NTPCR: variants seen among roughly 807,000 people sequenced by gnomAD.
NTPCR encodes the protein cancer-related nucleoside-triphosphatase.
NTPCR carries 15 observed loss-of-function variants against 19.5 expected under a neutral mutation model. The observed-to-expected ratio is 0.77, with a 90% CI of 0.51 to 1.18. The LOEUF (loss-of-function observed/expected upper bound fraction) is 1.18, where lower values mean the gene tolerates loss of function less well. Among genes scored for constraint, NTPCR ranks in the 50% most tolerant of loss-of-function variants. The probability of loss-of-function intolerance (pLI) is 0.00; values close to 1 mark genes in which losing one functional copy is unlikely to be tolerated. For synonymous variants in NTPCR, 90 were observed against 95.8 expected, an observed-to-expected ratio of 0.94 and a Z score of 0.36; for missense variants, 206 against 240.4, an observed-to-expected ratio of 0.86 and a Z score of 0.95.
chr1:232,970,330 G>A (rs78373751), intron 4 of NTPCR, among the ~76,000 whole-genome samples: 7,302 of 152,198 alleles, frequency 0.048, 212 homozygotes, highest in Middle Eastern at 0.13. Flanking sequence ...GCCTCCTGAC[G>A]GTCCCAGTTG....
chr1:232,970,633 T>C (rs1225492425), intron 4 of NTPCR, among the ~76,000 whole-genome samples: 1 of 152,248 alleles, frequency 6.6e-6, no homozygotes, highest in Non-Finnish European at 1.5e-5. Flanking sequence ...AAATGTGCTC[T>C]CTGCATTGCT....
At chr1:232,956,305 A>G (rs376859949) in intron 2 of NTPCR, 42 bp from the exon 3 acceptor site, 13 of 1,408,452 alleles carry the variant, frequency 9.2e-6, no homozygotes, top group African/African-American at 4.2e-5. Context: ...AGAAATCAAT[A>G]CAGGAGTTTT....
In NTPCR at chr1:232,979,300, T is replaced by C. The variant is rs1389741270; in HGVS notation, c.*1069T>C. On this transcript the variant is annotated 3_prime_UTR_variant, in exon 5 of 5. Transcript: ENST00000366628. This position sits in a 1 kb window ranked among gnomAD's most constrained non-coding sequence, Gnocchi z 5.3. ...AGGATTTTTTTTTAACAAATTAGCA[T>C]TGGCTACAAACCCACTGGTATAAGC... is the stretch of plus-strand genomic sequence containing the variant. The C allele has an allele frequency of 2.0e-5, 3 of 152,200 alleles. No individual in the cohort carries two copies. Among genetic ancestry groups the C allele is most frequent in the Non-Finnish European group, 4.4e-5 (3 of 68,064 alleles). 9.4% of individuals were successfully genotyped at this position (152,200 alleles called of 1,614,324 possible).
At chr1:232,974,402 A>G (rs1358073310) in intron 4 of NTPCR, among the ~76,000 whole-genome samples, 1 of 152,252 alleles carries the variant, frequency 6.6e-6, no homozygotes, top group African/African-American at 2.4e-5. Flanking sequence ...AACATCAGGA[A>G]GGAAGAAAGA....
intron 1 of NTPCR, among the ~76,000 whole-genome samples, chr1:232,953,354 C>T (rs1668425747): frequency 6.6e-6 from 1 of 152,138 alleles, no homozygotes; most frequent in Non-Finnish European, 1.5e-5. Flanking sequence ...ATTTCTTATC[C>T]AGACAGCATT....
chr1:232,971,742 G>T (rs767707267), intron 4 of NTPCR, among the ~76,000 whole-genome samples: 1 of 152,160 alleles, frequency 6.6e-6, no homozygotes, highest in Non-Finnish European at 1.5e-5. Context: ...AAAGAAACCA[G>T]GCAATGTGGT....
intron 1 of NTPCR, chr1:232,951,061 A>C (rs1255324435): frequency 8.9e-6 from 3 of 335,332 alleles, no homozygotes; most frequent in South Asian, 1.6e-4. Context: ...GGTCTGCACA[A>C]ATGGTATTTC....
intron 3 of NTPCR, 97 bp downstream of exon 3, chr1:232,956,540 C>A: frequency 1.3e-6 from 1 of 774,916 alleles, no homozygotes; most frequent in Non-Finnish European, 2.2e-6. Flanking sequence ...TCTTAAAGGC[C>A]CCAGTTTTGC....
chr1:232,976,498 C>T, intron 4 of NTPCR: 1 of 1,541,060 alleles, frequency 6.5e-7, no homozygotes, highest in Non-Finnish European at 8.7e-7. Context: ...TGTGTCGCCT[C>T]CTTTCTACCT....
At chr1:232,953,977 T>G (rs2102736508) in intron 1 of NTPCR, among the ~76,000 whole-genome samples, 1 of 152,364 alleles carries the variant, frequency 6.6e-6, no homozygotes, top group South Asian at 2.1e-4. Flanking sequence ...TTATAAAGAA[T>G]GTTGCAGTGA....
At chr1:232,962,922 C>T (rs1462033953) in intron 3 of NTPCR, 2 of 152,124 alleles carry the variant, frequency 1.3e-5, no homozygotes, top group East Asian at 1.9e-4. Context: ...TTTTTAGACT[C>T]GACCTGGAAG....
chr1:232,974,709 C>T (rs1220082170), intron 4 of NTPCR, among the ~76,000 whole-genome samples: 3 of 152,158 alleles, frequency 2.0e-5, no homozygotes, highest in Non-Finnish European at 4.4e-5. Flanking sequence ...AGGTACTGTT[C>T]TATCCACTGG....
chr1:232,966,643 T>C (rs1204066951), intron 3 of NTPCR: 2 of 152,238 alleles, frequency 1.3e-5, no homozygotes, highest in East Asian at 3.8e-4. Context: ...GTAACCAAAG[T>C]TATAAAATTA....
intron 4 of NTPCR, among the ~76,000 whole-genome samples, chr1:232,971,341 G>C (rs1261595500): frequency 6.6e-6 from 1 of 152,096 alleles, no homozygotes; most frequent in Non-Finnish European, 1.5e-5. Context: ...GAGTACCCGT[G>C]AGCACCTTCC....
rs1469716126 is a variant in NTPCR, at chr1:232,981,313, A to C, written c.*3082A>C. On this transcript the variant is annotated 3_prime_UTR_variant, in exon 5 of 5. Transcript: ENST00000366628. ...CTCAGTTCCCAGCCCTCCAGTTATCAAGGGGGTGGGAACGCTGGTGGGCTG... is the reference window on the plus strand; with the variant it reads ...CTCAGTTCCCAGCCCTCCAGTTATCCAGGGGGTGGGAACGCTGGTGGGCTG... 1 of 152,114 alleles carries C rather than the reference A, an allele frequency of 6.6e-6. No individual in the cohort carries two copies. The highest frequency in any genetic ancestry group is 1.9e-4 in the East Asian group (1 of 5,174). The allele number at this position is 152,114 out of a possible 1,614,324, so 9.4% of individuals were successfully genotyped here. A position where few individuals can be genotyped will look rare whatever the true frequency, so the allele number is the denominator to read the frequency against.
At chr1:232,952,536 G>T (rs1668396302) in intron 1 of NTPCR, among the ~76,000 whole-genome samples, 1 of 151,716 alleles carries the variant, frequency 6.6e-6, no homozygotes, top group Admixed American at 6.6e-5. Context: ...ATTGAGACAG[G>T]GCCTCTCTCT....
intron 4 of NTPCR, among the ~76,000 whole-genome samples, chr1:232,970,867 AATGGCAGC>A (rs1411672683): frequency 1.3e-5 from 2 of 152,200 alleles, no homozygotes; most frequent in Non-Finnish European, 2.9e-5. Flanking sequence ...AGGCTTGCAG[AATGGCAGC>A]ATGGGCATCA....
Position 232,978,331 on chromosome 1 carries a change from C to G in NTPCR, c.*100C>G, listed in dbSNP as rs1291754970. ...GCTGTATGCCTATGGGGTTATGGAA[C>G]CTTGTGGGCTTTTCTAGAGAAAACT... On this transcript the variant is annotated 3_prime_UTR_variant, in exon 5 of 5. Transcript: ENST00000366628. The G allele has an allele frequency of 5.4e-6, 5 of 923,340 alleles. No individual in the cohort carries two copies. The highest frequency in any genetic ancestry group is 8.4e-6 in the Non-Finnish European group (5 of 595,068). The allele number at this position is 923,340 out of a possible 1,614,324, so 57.2% of individuals were successfully genotyped here. A position where few individuals can be genotyped will look rare whatever the true frequency, so the allele number is the denominator to read the frequency against.
intron 3 of NTPCR, chr1:232,968,914 G>A (rs1668896408): frequency 6.6e-6 from 1 of 152,182 alleles, no homozygotes; most frequent in African/African-American, 2.4e-5. Context: ...CCAAAGTCCT[G>A]TCAGCCTTCC....
Sources: gnomAD v4.1 joint callset for allele counts (sites outside exome capture counted in the v4.1 genomes callset) on GRCh38, gnomAD v4.1.1 for gene constraint, Gnocchi (gnomAD v3.1) non-coding constraint, MANE v1.5 for transcripts, NCBI Gene and HGNC (gene_info 2026-07-23, HGNC 2026-07-21) for gene names.